The following TYW1B variants were observed in gnomAD, a reference collection of about 807,000 sequenced individuals.
TYW1B encodes the protein S-adenosyl-L-methionine-dependent tRNA 4-demethylwyosine synthase TYW1B.
TYW1B carries 73 observed loss-of-function variants against 86.9 expected under a neutral mutation model. The observed-to-expected ratio is 0.84, with a 90% CI of 0.70 to 1.02. TYW1B has a LOEUF of 1.02. Among genes scored for constraint, TYW1B ranks in the 50% least tolerant of loss-of-function variants. TYW1B has a pLI of 0.00. For missense variants in TYW1B, 637 were observed against 827.4 expected (o/e 0.77, Z 2.82); for synonymous variants, 248 against 292.8 (o/e 0.85, Z 1.56).
intron 2 of TYW1B, among the ~76,000 whole-genome samples, chr7:72,817,299 C>T (rs1267559716): frequency 4.6e-5 from 7 of 151,844 alleles, no homozygotes; most frequent in African/African-American, 1.5e-4. Context: ...AGCTACCTAC[C>T]TGGGAGGCTG....
intron 10 of TYW1B, among the ~76,000 whole-genome samples, chr7:72,710,996 T>C (rs1786650030): frequency 6.6e-6 from 1 of 152,216 alleles, no homozygotes; most frequent in African/African-American, 2.4e-5. Context: ...CCTTTCTAGC[T>C]TCATGCATTT....
intron 9 of TYW1B, among the ~76,000 whole-genome samples, chr7:72,716,814 T>A (rs1786795956): frequency 6.6e-6 from 1 of 150,566 alleles, no homozygotes; most frequent in Non-Finnish European, 1.5e-5. Flanking sequence ...AATTTTTTTT[T>A]TTTTTTTGTA....
chr7:72,623,242 GAT>G (rs1381215857), intron 12 of TYW1B, among the ~76,000 whole-genome samples: 1 of 152,074 alleles, frequency 6.6e-6, no homozygotes, highest in Non-Finnish European at 1.5e-5. Context: ...ATAACAAAAA[GAT>G]AAGCAACTCA....
intron 2 of TYW1B, among the ~76,000 whole-genome samples, chr7:72,823,323 TA>T (rs1788866759): frequency 6.7e-6 from 1 of 149,942 alleles, no homozygotes; most frequent in Non-Finnish European, 1.5e-5. Context: ...CCTTGTCTCT[TA>T]AAAAATAAAA....
chr7:72,823,306 G>A (rs1554480884), intron 2 of TYW1B: 2 of 151,570 alleles, frequency 1.3e-5, no homozygotes, highest in African/African-American at 2.4e-5. Flanking sequence ...ACCACGCCGG[G>A]CCAAGACCTT....
At chr7:72,690,720 T>C (rs1219665971) in intron 11 of TYW1B, among the ~76,000 whole-genome samples, 1 of 152,220 alleles carries the variant, frequency 6.6e-6, no homozygotes, top group East Asian at 1.9e-4. Flanking sequence ...TTTATAGTAA[T>C]CTGGTATCAT....
At chr7:72,761,701 T>C (rs370008986) in intron 7 of TYW1B, among the ~76,000 whole-genome samples, 5 of 151,440 alleles carry the variant, frequency 3.3e-5, no homozygotes, top group African/African-American at 1.2e-4. Flanking sequence ...TGGAAAGAAA[T>C]AGAATACCGA....
At chr7:72,674,206 C>A (rs1472476691) in intron 11 of TYW1B, among the ~76,000 whole-genome samples, 30 of 152,262 alleles carry the variant, frequency 2.0e-4, no homozygotes, top group African/African-American at 6.7e-4. Flanking sequence ...TAAGCATTAA[C>A]AAGAGCACAA....
At chr7:72,615,109 GCA>G (rs1234391424) in intron 13 of TYW1B, among the ~76,000 whole-genome samples, 2 of 152,206 alleles carry the variant, frequency 1.3e-5, no homozygotes, top group Non-Finnish European at 2.9e-5. Context: ...GTCCCTTGCT[GCA>G]CAGCCTGGTG....
At chr7:72,764,120 T>G (rs978967208) in intron 7 of TYW1B, among the ~76,000 whole-genome samples, 1 of 152,152 alleles carries the variant, frequency 6.6e-6, no homozygotes. Flanking sequence ...AAATACTGCA[T>G]GTAAGAAATA....
chr7:72,689,449 G>C (rs1814087578), intron 11 of TYW1B, among the ~76,000 whole-genome samples: 1 of 152,090 alleles, frequency 6.6e-6, no homozygotes, highest in African/African-American at 2.4e-5. Flanking sequence ...TGCAACTTGG[G>C]AGTAGCTGAG....
chr7:72,814,092 T>C (rs766274020), intron 3 of TYW1B, among the ~76,000 whole-genome samples: 1 of 151,596 alleles, frequency 6.6e-6, no homozygotes, highest in Non-Finnish European at 1.5e-5. Context: ...CCGAAACCCA[T>C]ACTCTCTGCT....
chr7:72,614,586 T>C (rs1812022594), intron 13 of TYW1B, among the ~76,000 whole-genome samples: 1 of 151,252 alleles, frequency 6.6e-6, no homozygotes. Flanking sequence ...TGAGCCGAGG[T>C]TGCGTCACCA....
At chr7:72,713,565 A>G (rs1786718511) in intron 10 of TYW1B, 56 bp downstream of exon 10, 1 of 1,480,254 alleles carries the variant, frequency 6.8e-7, no homozygotes, top group Non-Finnish European at 9.1e-7. Flanking sequence ...TATTAGTTTT[A>G]CTTTGCAGTG....
In TYW1B at chr7:72,771,987, C is replaced by T. The variant is rs186132627; in HGVS notation, c.964+5429G>A. On this transcript the variant is annotated intron_variant, in intron 7 of 13. Coordinates refer to ENST00000620995, the MANE Select transcript of TYW1B (RefSeq NM_001145440.3). ...TCAGACTCCCACGTAATTGGGACTA[C>T]AGTTGTGCTTCACCCTGCCAGGCTG... Among the ~76,000 whole-genome samples the T allele has an allele frequency of 2.0e-5, 3 of 151,784 alleles. No individual in the cohort carries two copies. The East Asian group carries it at 5.8e-4, about 29-fold the overall frequency.
chr7:72,633,500 A>T (rs1554440319), intron 11 of TYW1B, among the ~76,000 whole-genome samples: 1 of 152,238 alleles, frequency 6.6e-6, no homozygotes, highest in African/African-American at 2.4e-5. Context: ...AATGTACACA[A>T]AACATGAATG....
intron 6 of TYW1B, among the ~76,000 whole-genome samples, chr7:72,794,540 A>G (rs1788274279): frequency 6.6e-6 from 1 of 151,858 alleles, no homozygotes; most frequent in African/African-American, 2.4e-5. Context: ...TGGATGAGAC[A>G]GCGAGATTCT....
chr7:72,725,631 C>T (rs1462891896), intron 9 of TYW1B, among the ~76,000 whole-genome samples: 1 of 151,996 alleles, frequency 6.6e-6, no homozygotes, highest in Non-Finnish European at 1.5e-5. Flanking sequence ...GTAGATTGCC[C>T]GTCATAATGT....
intron 13 of TYW1B, among the ~76,000 whole-genome samples, chr7:72,594,066 A>G (rs1554432155): frequency 3.1e-4 from 47 of 151,932 alleles, no homozygotes. Flanking sequence ...TTTTTAAAAA[A>G]GAAGACCTCA....
Sources: allele counts gnomAD v4.1 joint callset (sites outside exome capture counted in the v4.1 genomes callset), GRCh38; gene constraint gnomAD v4.1.1; transcripts MANE v1.5; gene names NCBI Gene and HGNC (gene_info 2026-07-23, HGNC 2026-07-21).